The following CA10 variants were observed in gnomAD, a reference collection of about 807,000 sequenced individuals.
CA10 encodes the protein carbonic anhydrase-related protein 10.
A neutral mutation model predicts 44.2 loss-of-function variants in CA10; 14 were observed. That is an observed-to-expected ratio of 0.32 (90% confidence interval 0.21 to 0.50). The LOEUF (loss-of-function observed/expected upper bound fraction) is 0.50, where lower values mean the gene tolerates loss of function less well. Ranked by LOEUF, CA10 falls within the 20% of genes least tolerant of loss-of-function variation. The pLI is 0.99. For synonymous variants in CA10, 159 were observed against 141.6 expected (o/e 1.12, Z -0.87); for missense variants, 350 against 409.7 (o/e 0.85, Z 1.26).
At chr17:51,707,228 G>A (rs1437076683) in intron 4 of CA10, among the ~76,000 whole-genome samples, 1 of 152,108 alleles carries the variant, frequency 6.6e-6, no homozygotes, top group African/African-American at 2.4e-5. Flanking sequence ...AACTGTCCTG[G>A]CTTATAAGGT....
In CA10 at chr17:51,633,594, C is replaced by T. The variant is rs767645678; in HGVS notation, c.846G>A (p.Met282Ile). The part of the protein sequence containing the change: ...QNQPSQIFLS[M>I]SDNFRPVQPL... ...GCTGGACAGGCCTGAAGTTGTCACT[C>T]ATGCTCAGAAAGATCTGAGATGGCT... The change falls in exon 8 of 9, where the codon ATG becomes ATA. Residue 282 changes from methionine (M) to isoleucine (I), a missense_variant. Transcript: ENST00000451037. 6.2e-7 allele frequency: 1 copy of T among 1,613,868 alleles called. No individual in the cohort carries two copies. The highest frequency in any genetic ancestry group is 1.3e-5 in the African/African-American group (1 of 75,038).
chr17:51,721,788 A>G (rs994391683), intron 4 of CA10, among the ~76,000 whole-genome samples: 4 of 152,104 alleles, frequency 2.6e-5, no homozygotes, highest in African/African-American at 9.7e-5. Context: ...GGTGCACCCA[A>G]AGAAGGCCTA....
intron 4 of CA10, among the ~76,000 whole-genome samples, chr17:51,668,445 G>T (rs1914285960): frequency 6.6e-6 from 1 of 152,174 alleles, no homozygotes; most frequent in South Asian, 2.1e-4. Flanking sequence ...CTTTGAAACT[G>T]TCTTTCAGAC....
intron 4 of CA10, among the ~76,000 whole-genome samples, chr17:51,685,482 G>A (rs920604286): frequency 1.1e-4 from 17 of 152,292 alleles, no homozygotes; most frequent in African/African-American, 4.1e-4. Flanking sequence ...AATGACCCAC[G>A]TAATGGCCCT....
chr17:52,153,006 C>T (rs960926145), intron 1 of CA10, among the ~76,000 whole-genome samples: 2 of 151,970 alleles, frequency 1.3e-5, no homozygotes, highest in Admixed American at 1.3e-4. Context: ...TTTATGATAC[C>T]TAGATCTCTT....
chr17:51,659,501 C>A (rs1913921749), intron 4 of CA10, among the ~76,000 whole-genome samples: 1 of 152,116 alleles, frequency 6.6e-6, no homozygotes, highest in South Asian at 2.1e-4. Context: ...GTCTGGAGAA[C>A]CCTGACTAAT....
intron 2 of CA10, among the ~76,000 whole-genome samples, chr17:51,968,250 T>C (rs1393105754): frequency 2.6e-5 from 4 of 151,894 alleles, no homozygotes; most frequent in African/African-American, 9.7e-5. Flanking sequence ...AAAACCTGTA[T>C]GCAGATATTT....
chr17:51,826,557 T>G (rs1003531874), intron 3 of CA10, among the ~76,000 whole-genome samples: 1 of 152,218 alleles, frequency 6.6e-6, no homozygotes, highest in African/African-American at 2.4e-5. Context: ...TAATTCATTT[T>G]CCATGCATCC....
In CA10 at chr17:52,044,919, C is replaced by A. The variant is rs1421387595; in HGVS notation, c.136+27400G>T. 3.3e-5 allele frequency among the ~76,000 whole-genome samples: 5 copies of A among 151,278 alleles called. 1 individual carries two copies. The East Asian group carries it at 1.1e-3, about 33-fold the overall frequency. ...GTGATGGTAACAACTGTGAAGAAAT[C>A]ATGGCCAAATCTTTCCAAATTTTAT... On this transcript the variant is annotated intron_variant, in intron 2 of 8. Transcript: ENST00000451037.
intron 4 of CA10, among the ~76,000 whole-genome samples, chr17:51,676,143 C>T (rs1466104972): frequency 6.6e-6 from 1 of 152,176 alleles, no homozygotes; most frequent in Non-Finnish European, 1.5e-5. Context: ...GGGTATATAC[C>T]TATGACCGGC....
At chr17:51,974,386 T>TA (rs199608195) in intron 2 of CA10, among the ~76,000 whole-genome samples, 444 of 40,238 alleles carry the variant, frequency 0.011, 1 homozygote, top group South Asian at 0.018. Flanking sequence ...CCATCTCATT[T>TA]AAAAAAAAAA....
chr17:52,106,359 C>T (rs539415330), intron 1 of CA10, among the ~76,000 whole-genome samples: 4 of 152,202 alleles, frequency 2.6e-5, no homozygotes, highest in East Asian at 1.9e-4. Flanking sequence ...AATCCTCCAC[C>T]GCTGATTTGT....
chr17:52,036,225 C>T (rs1986613984), intron 2 of CA10, among the ~76,000 whole-genome samples: 1 of 151,970 alleles, frequency 6.6e-6, no homozygotes, highest in South Asian at 2.1e-4. Flanking sequence ...TAGAATTGAT[C>T]CAATTTTGTT....
At chr17:51,822,681 T>G (rs1476600672) in intron 3 of CA10, among the ~76,000 whole-genome samples, 1 of 152,182 alleles carries the variant, frequency 6.6e-6, no homozygotes, top group Non-Finnish European at 1.5e-5. Context: ...GTAGGAAGAA[T>G]GTGTAGCATG....
At chr17:51,663,845 C>T (rs1284085373) in intron 4 of CA10, among the ~76,000 whole-genome samples, 1 of 152,190 alleles carries the variant, frequency 6.6e-6, no homozygotes, top group Non-Finnish European at 1.5e-5. Flanking sequence ...TATTTCTTGA[C>T]AGTCCATATA....
intron 2 of CA10, among the ~76,000 whole-genome samples, chr17:51,998,855 C>A (rs1018213801): frequency 6.6e-6 from 1 of 151,994 alleles, no homozygotes; most frequent in Non-Finnish European, 1.5e-5. Flanking sequence ...AGTCTCTCCA[C>A]CTCTTCTCTC....
intron 3 of CA10, among the ~76,000 whole-genome samples, chr17:51,879,978 T>C (rs577761587): frequency 6.6e-6 from 1 of 152,308 alleles, no homozygotes; most frequent in South Asian, 2.1e-4. Flanking sequence ...AGCCAATTCC[T>C]AGACATAATG....
intron 3 of CA10, among the ~76,000 whole-genome samples, chr17:51,766,924 C>T (rs1453517623): frequency 6.6e-6 from 1 of 151,780 alleles, no homozygotes; most frequent in African/African-American, 2.4e-5. Flanking sequence ...TAGGCAATGA[C>T]TGGCAATGCC....
intron 4 of CA10, among the ~76,000 whole-genome samples, chr17:51,660,976 G>GACTC (rs1477718458): frequency 6.6e-6 from 1 of 151,918 alleles, no homozygotes; most frequent in Non-Finnish European, 1.5e-5. Flanking sequence ...TTCACTGTTT[G>GACTC]ACTCCTACTT....
Sources: gnomAD v4.1 joint callset for allele counts (sites outside exome capture counted in the v4.1 genomes callset) on GRCh38, gnomAD v4.1.1 for gene constraint, MANE v1.5 for transcripts, NCBI Gene and HGNC (gene_info 2026-07-23, HGNC 2026-07-21) for gene names.